The following CSMD3 variants were observed in gnomAD, a reference collection of about 807,000 sequenced individuals.
The protein encoded by CSMD3 is CUB and Sushi multiple domains 3.
Under a neutral mutation model 435.2 loss-of-function variants are expected in CSMD3, and 177 were observed. The ratio of observed to expected loss-of-function variants is 0.41; its 90% CI spans 0.36 to 0.46. The LOEUF is 0.46. Ranked by LOEUF, CSMD3 falls within the 20% of genes least tolerant of loss-of-function variation. The pLI, the probability that CSMD3 is intolerant of heterozygous loss-of-function variation, is 0.34. For missense variants in CSMD3, 4,265 were observed against 4,504.6 expected, an observed-to-expected ratio of 0.95 and a Z score of 1.52; for synonymous variants, 1,656 against 1,520.5, an observed-to-expected ratio of 1.09 and a Z score of -2.07.
intron 38 of CSMD3, among the ~76,000 whole-genome samples, chr8:112,373,449 A>T (rs542998753): frequency 8.7e-4 from 132 of 151,306 alleles, no homozygotes; most frequent in African/African-American, 3.1e-3. Context: ...ACGCAATATC[A>T]TTTTTTCCCA....
intron 27 of CSMD3, among the ~76,000 whole-genome samples, chr8:112,522,680 T>C (rs982239474): frequency 2.6e-5 from 4 of 151,926 alleles, no homozygotes; most frequent in Non-Finnish European, 5.9e-5. Flanking sequence ...ATTTCAAGTG[T>C]GCCATAACAA....
At chr8:113,431,842 G>C (rs1041717267) in intron 1 of CSMD3, among the ~76,000 whole-genome samples, 4 of 151,732 alleles carry the variant, frequency 2.6e-5, no homozygotes, top group Non-Finnish European at 5.9e-5. Flanking sequence ...GATGACATTT[G>C]GTGTCTATTT....
chr8:113,265,202 CTA>C (rs550821975), intron 3 of CSMD3, among the ~76,000 whole-genome samples: 52 of 151,358 alleles, frequency 3.4e-4, no homozygotes, highest in Non-Finnish European at 6.7e-4. Flanking sequence ...ATTCAAAAAT[CTA>C]TGATTTTTTG....
intron 23 of CSMD3, among the ~76,000 whole-genome samples, chr8:112,580,695 A>C (rs977007082): frequency 6.6e-6 from 1 of 152,036 alleles, no homozygotes; most frequent in Non-Finnish European, 1.5e-5. Context: ...AGATGCAAAG[A>C]GGTTTTGCAG....
intron 13 of CSMD3, among the ~76,000 whole-genome samples, chr8:112,776,559 A>G (rs2078250880): frequency 6.6e-6 from 1 of 151,720 alleles, no homozygotes; most frequent in Non-Finnish European, 1.5e-5. Flanking sequence ...GTGTCTTGCA[A>G]TTCTCCATTT....
At chr8:113,415,409 T>A (rs1298674485) in intron 1 of CSMD3, among the ~76,000 whole-genome samples, 1 of 152,162 alleles carries the variant, frequency 6.6e-6, no homozygotes, top group Non-Finnish European at 1.5e-5. Flanking sequence ...CAAAGAAGGC[T>A]ATGATGAACA....
chr8:112,583,143 G>T (rs1011947621), intron 23 of CSMD3, among the ~76,000 whole-genome samples: 3 of 152,030 alleles, frequency 2.0e-5, no homozygotes, highest in African/African-American at 7.2e-5. Context: ...GGTTCCGGAA[G>T]TGTGAAGAAA....
intron 27 of CSMD3, among the ~76,000 whole-genome samples, chr8:112,524,712 C>A (rs1452120412): frequency 6.6e-6 from 1 of 151,712 alleles, no homozygotes; most frequent in Non-Finnish European, 1.5e-5. Flanking sequence ...TATTGAGTAA[C>A]ATAATTGATA....
At chr8:112,924,410 A>G (rs2130653897) in intron 9 of CSMD3, among the ~76,000 whole-genome samples, 1 of 152,138 alleles carries the variant, frequency 6.6e-6, no homozygotes, top group South Asian at 2.1e-4. Context: ...TTTAATTACT[A>G]TTTTCTCACT....
chr8:112,962,043 C>T (rs1247113703), intron 7 of CSMD3, among the ~76,000 whole-genome samples: 1 of 151,754 alleles, frequency 6.6e-6, no homozygotes, highest in African/African-American at 2.4e-5. Context: ...AACTGTCTGC[C>T]CTTAATTTAA....
intron 10 of CSMD3, among the ~76,000 whole-genome samples, chr8:112,920,633 A>G (rs1321684532): frequency 6.6e-6 from 1 of 151,782 alleles, no homozygotes; most frequent in Non-Finnish European, 1.5e-5. Context: ...TTAGTATTTA[A>G]AGATGATGAT....
intron 9 of CSMD3, among the ~76,000 whole-genome samples, chr8:112,928,205 G>T (rs1331793664): frequency 1.3e-5 from 2 of 152,032 alleles, no homozygotes; most frequent in Non-Finnish European, 2.9e-5. Flanking sequence ...AATCCCAAAA[G>T]AAATACATTG....
rs961634990 is a variant in CSMD3 at position 113,010,671 on chromosome 8, T to C, written c.1030+8396A>G. Among the ~76,000 whole-genome samples the C allele has an allele frequency of 3.3e-5, 5 of 151,892 alleles. No individual in the cohort carries two copies. The South Asian group carries it at 1.0e-3, about 31-fold the overall frequency. On this transcript the variant is annotated intron_variant, in intron 6 of 70. Transcript: ENST00000297405. ...GATCATAACATGAGGCTATTATAAT[T>C]TGTCTTTGACTTTATAAGTACTCCA...
intron 13 of CSMD3, among the ~76,000 whole-genome samples, chr8:112,765,125 G>A (rs570642337): frequency 7.6e-5 from 11 of 144,504 alleles, no homozygotes; most frequent in South Asian, 2.3e-4. Flanking sequence ...AACAGATGAC[G>A]GGGAGTCACT....
At chr8:112,333,004 T>C (rs1327671410) in intron 45 of CSMD3, among the ~76,000 whole-genome samples, 1 of 152,204 alleles carries the variant, frequency 6.6e-6, no homozygotes, top group Non-Finnish European at 1.5e-5. Context: ...ATGCCAGTAA[T>C]TGGAATAAAT....
At chr8:112,429,140 T>C (rs1211397241) in intron 32 of CSMD3, among the ~76,000 whole-genome samples, 1 of 152,048 alleles carries the variant, frequency 6.6e-6, no homozygotes, top group Non-Finnish European at 1.5e-5. Context: ...CTAGAATTTA[T>C]TCTTATTATA....
chr8:113,221,766 T>C (rs983812376), intron 3 of CSMD3, among the ~76,000 whole-genome samples: 4 of 151,292 alleles, frequency 2.6e-5, no homozygotes, highest in East Asian at 1.9e-4. Context: ...GAGAGACATA[T>C]CCTTATTAGC....
At chr8:112,646,700 G>A (rs7816035) in intron 19 of CSMD3, among the ~76,000 whole-genome samples, 117,431 of 152,060 alleles carry the variant, frequency 0.77, 46,054 homozygotes, top group African/African-American at 0.91. Context: ...AGATGGGAAA[G>A]TATAGAATAT....
At chr8:112,829,132 A>T (rs1032893970) in intron 12 of CSMD3, among the ~76,000 whole-genome samples, 4 of 152,216 alleles carry the variant, frequency 2.6e-5, no homozygotes, top group Non-Finnish European at 5.9e-5. Flanking sequence ...GTCTATGCTG[A>T]TACTAATTTT....
Sources: gnomAD v4.1 joint callset for allele counts (sites outside exome capture counted in the v4.1 genomes callset) on GRCh38, gnomAD v4.1.1 for gene constraint, MANE v1.5 for transcripts, NCBI Gene and HGNC (gene_info 2026-07-23, HGNC 2026-07-21) for gene names.